SRPK1: variants seen among roughly 807,000 people sequenced by gnomAD.
SRPK1 encodes the protein SFRS protein kinase 1.
Under a neutral mutation model 89.5 loss-of-function variants are expected in SRPK1, and 52 were observed. The observed-to-expected ratio is 0.58, with a 90% CI of 0.46 to 0.73. The LOEUF is 0.73. Ranked by LOEUF, SRPK1 falls within the 30% of genes least tolerant of loss-of-function variation. SRPK1 has a pLI of 0.00. For missense variants in SRPK1, 603 were observed against 780.6 expected (o/e 0.77, Z 2.71); for synonymous variants, 255 against 270.2 (o/e 0.94, Z 0.55).
rs1771211937 is a variant in SRPK1 at position 35,920,547 on chromosome 6, G to C, written c.14-19C>G. On this transcript the variant is annotated intron_variant, in intron 1 of 15. Coordinates refer to ENST00000373825, the MANE Select transcript of SRPK1 (RefSeq NM_003137.5). ...GCAAGCACTGCAGGAGAGAGGGATG[G>C]ATGAAGGGCGAATGTGGAGGAAAGG... The C allele has an allele frequency of 2.5e-6, 4 of 1,611,704 alleles. No individual in the cohort carries two copies. In the East Asian group the frequency reaches 8.9e-5, roughly 36 times the overall value.
At chr6:35,916,746 C>G (rs149877848) in intron 2 of SRPK1, among the ~76,000 whole-genome samples, 308 of 152,228 alleles carry the variant, frequency 2.0e-3, no homozygotes, top group African/African-American at 7.2e-3. Flanking sequence ...GAATTATGTT[C>G]CATAGAAACA....
chr6:35,835,163 T>G lies in SRPK1; in HGVS notation c.*141A>C, dbSNP rs1370319183. On this transcript the variant is annotated 3_prime_UTR_variant, in exon 16 of 16. Coordinates refer to ENST00000373825, the MANE Select transcript of SRPK1 (RefSeq NM_003137.5). ...ACAGGGTCAAGTAAGCAAACCCAAATGAACATGTTGGATTAAAAAAAAAAC... is the reference window on the plus strand; with the variant it reads ...ACAGGGTCAAGTAAGCAAACCCAAAGGAACATGTTGGATTAAAAAAAAAAC... The G allele has an allele frequency of 1.2e-6, 1 of 805,250 alleles. No individual in the cohort carries two copies. The highest frequency in any genetic ancestry group is 3.0e-5 in the Admixed American group (1 of 33,262). The allele number at this position is 805,250 out of a possible 1,614,324, so 49.9% of individuals were successfully genotyped here.
At position 35,835,322 on chromosome 6, in the gene SRPK1, G is replaced by A; in HGVS notation, c.1950C>T (p.His650=). The change falls in exon 16 of 16, where the codon CAC becomes CAT. Residue 650 remains histidine, a synonymous_variant. Coordinates refer to ENST00000373825, the MANE Select transcript of SRPK1 (RefSeq NM_003137.5). ...CAGGGGCTTAGGAGTTAAGCCAAGG[G>A]TGCCGGAGACACTCGGCGGCAGTGG... is the stretch of plus-strand genomic sequence containing the variant. The part of the protein sequence containing the change: ...KRATAAECLR[H]PWLNS The A allele has an allele frequency of 6.2e-7, 1 of 1,613,614 alleles. No individual in the cohort carries two copies. The highest frequency in any genetic ancestry group is 8.5e-7 in the Non-Finnish European group (1 of 1,179,748).
intron 13 of SRPK1, among the ~76,000 whole-genome samples, chr6:35,852,290 G>A (rs889098172): frequency 1.3e-5 from 2 of 152,138 alleles, no homozygotes; most frequent in Admixed American, 1.3e-4. Flanking sequence ...CAATGCCTGG[G>A]ATTCTGCACA....
intron 2 of SRPK1, among the ~76,000 whole-genome samples, chr6:35,902,519 G>T (rs1356674896): frequency 6.6e-6 from 1 of 152,074 alleles, no homozygotes; most frequent in African/African-American, 2.4e-5. Context: ...AAAGAAAGCA[G>T]TCATCCAAAA....
At chr6:35,852,132 A>G (rs1432209203) in intron 13 of SRPK1, among the ~76,000 whole-genome samples, 2 of 152,184 alleles carry the variant, frequency 1.3e-5, no homozygotes, top group African/African-American at 4.8e-5. Context: ...CTATAACTCC[A>G]TCATTCCTGG....
intron 2 of SRPK1, 73 bp downstream of exon 2, chr6:35,920,395 A>C: frequency 1.3e-6 from 2 of 1,560,842 alleles, no homozygotes; most frequent in Non-Finnish European, 8.8e-7. Context: ...GTGCACGTTC[A>C]AGACGTGAAA....
chr6:35,910,015 C>A (rs1044508865), intron 2 of SRPK1, among the ~76,000 whole-genome samples: 1 of 151,694 alleles, frequency 6.6e-6, no homozygotes, highest in Non-Finnish European at 1.5e-5. Flanking sequence ...TGGAGTTTCG[C>A]TCTTATTGCT....
At chr6:35,905,857 G>A (rs55848735) in intron 2 of SRPK1, among the ~76,000 whole-genome samples, 2,432 of 152,202 alleles carry the variant, frequency 0.016, 63 homozygotes, top group African/African-American at 0.055. Flanking sequence ...CCATGTTTAA[G>A]TATAACATGA....
chr6:35,854,693 C>T (rs1209100877), intron 13 of SRPK1, among the ~76,000 whole-genome samples: 1 of 148,944 alleles, frequency 6.7e-6, no homozygotes, highest in East Asian at 1.9e-4. Flanking sequence ...TACTGCCCCC[C>T]AAACAAAACA....
At chr6:35,902,826 C>T (rs1302895892) in intron 2 of SRPK1, among the ~76,000 whole-genome samples, 1 of 152,158 alleles carries the variant, frequency 6.6e-6, no homozygotes, top group Non-Finnish European at 1.5e-5. Context: ...ATGCAAAATA[C>T]AATTCCTGTT....
chr6:35,871,014 CT>C, intron 8 of SRPK1, 55 bp from the exon 9 acceptor site: 1 of 1,488,478 alleles, frequency 6.7e-7, no homozygotes, highest in Non-Finnish European at 9.3e-7. Context: ...GCAATATAAA[CT>C]AAGGCTCAGA....
chr6:35,886,743 T>C lies in SRPK1; in HGVS notation c.459A>G (p.Ile153Met). Residue 153 changes from isoleucine to methionine, a missense_variant, in exon 6 of 16, where the codon ATA becomes ATG. Ile to Met is a conservative substitution (Grantham distance 10). Coordinates refer to ENST00000373825, the MANE Select transcript of SRPK1 (RefSeq NM_003137.5). ...MVVQLLDDFKISGVNGTHICM... is the reference protein window; with the variant it reads ...MVVQLLDDFKMSGVNGTHICM... ...GGATACGTGTTCCATTAACTCCTGA[T>C]ATTTTAAAGTCATCTAGTAGTTGAA... The C allele has an allele frequency of 6.2e-7, 1 of 1,602,656 alleles. No individual in the cohort carries two copies. The highest frequency in any genetic ancestry group is 8.5e-7 in the Non-Finnish European group (1 of 1,169,888).
intron 2 of SRPK1, among the ~76,000 whole-genome samples, chr6:35,906,517 C>T (rs1231044832): frequency 1.3e-5 from 2 of 151,926 alleles, no homozygotes; most frequent in Non-Finnish European, 2.9e-5. Flanking sequence ...GAGCCATGCA[C>T]GAATATTAAA....
chr6:35,877,748 C>A (rs1386694207), intron 6 of SRPK1, among the ~76,000 whole-genome samples: 1 of 151,596 alleles, frequency 6.6e-6, no homozygotes, highest in African/African-American at 2.4e-5. Flanking sequence ...GAGGCTAAGG[C>A]AGGAGAATCA....
At chr6:35,920,373 T>C (rs746646725) in intron 2 of SRPK1, 95 bp downstream of exon 2, 1 of 1,412,496 alleles carries the variant, frequency 7.1e-7, no homozygotes, top group Non-Finnish European at 1.0e-6. Flanking sequence ...AGCCACAGGG[T>C]GCCCAAACCC....
chr6:35,886,811 C>A lies in SRPK1; in HGVS notation c.391G>T (p.Val131Phe), dbSNP rs1241457195. The change falls in exon 6 of 16, where the codon GTT (valine) becomes TTT (phenylalanine). Residue 131 changes from valine to phenylalanine, a missense_variant and splice_region_variant. Physicochemically the swap from Val to Phe is conservative, Grantham distance 50 (BLOSUM62 -1). Transcript: ENST00000373825. The part of the protein sequence containing the change: ...ALDEIRLLKS[V>F]RNSDPNDPNR... ...GGATCATTAGGGTCTGAATTGCGAA[C>A]CTGTAGTGGGGAAGAGACAGTGTTT... 1 of 1,590,376 alleles carries A rather than the reference C, an allele frequency of 6.3e-7. No individual in the cohort carries two copies. The highest frequency in any genetic ancestry group is 2.2e-5 in the East Asian group (1 of 44,718).
chr6:35,915,654 C>T (rs1262025198), intron 2 of SRPK1, among the ~76,000 whole-genome samples: 1 of 151,808 alleles, frequency 6.6e-6, no homozygotes, highest in Non-Finnish European at 1.5e-5. Context: ...GAAAAGTATG[C>T]CCAGTGATTC....
intron 13 of SRPK1, among the ~76,000 whole-genome samples, chr6:35,852,422 C>T (rs186463062): frequency 6.6e-6 from 1 of 152,258 alleles, no homozygotes; most frequent in East Asian, 1.9e-4. Context: ...TAGCGGAACA[C>T]TGGCAGCAAA....
Sources: allele counts gnomAD v4.1 joint callset (sites outside exome capture counted in the v4.1 genomes callset), GRCh38; gene constraint gnomAD v4.1.1; transcripts MANE v1.5; gene names NCBI Gene and HGNC (gene_info 2026-07-23, HGNC 2026-07-21).